Variants in ATAD3B observed in about 807,000 individuals in gnomAD.
ATAD3B encodes the protein ATPase family AAA domain-containing protein 3B.
Under a neutral mutation model 70.2 loss-of-function variants are expected in ATAD3B, and 59 were observed. The ratio of observed to expected loss-of-function variants is 0.84; its 90% CI spans 0.68 to 1.04. The LOEUF (loss-of-function observed/expected upper bound fraction) is 1.04. Among genes scored for constraint, ATAD3B ranks in the 50% least tolerant of loss-of-function variants. ATAD3B has a pLI of 0.00. For synonymous variants in ATAD3B, 423 were observed against 388.6 expected (o/e 1.09, Z -1.04); for missense variants, 961 against 913.4 (o/e 1.05, Z -0.67).
In ATAD3B at chr1:1,484,167, C is replaced by T. The variant is rs1184233601; in HGVS notation, c.751-849C>T. ...AGTTTTTGCGAAATGGAGTCGGGTTCGCTTTCTGGGTCTTTGATTTTTTTT... is the reference window on the plus strand; with the variant it reads ...AGTTTTTGCGAAATGGAGTCGGGTTTGCTTTCTGGGTCTTTGATTTTTTTT... On this transcript the variant is annotated intron_variant, in intron 7 of 15. Coordinates refer to ENST00000673477, the MANE Select transcript of ATAD3B (RefSeq NM_031921.6). 3 of 151,854 alleles carry T rather than the reference C, an allele frequency of 2.0e-5. 1 individual carries two copies. Among genetic ancestry groups the T allele is most frequent in the Non-Finnish European group, 4.4e-5 (3 of 67,948 alleles). 9.4% of individuals were successfully genotyped at this position (151,854 alleles called of 1,614,324 possible).
intron 12 of ATAD3B, 62 bp from the exon 13 acceptor site, chr1:1,489,142 C>G: frequency 1.9e-6 from 3 of 1,609,938 alleles, no homozygotes; most frequent in East Asian, 2.2e-5. Context: ...GTGGGACTTT[C>G]TGCTCTGGCT....
At chr1:1,498,581 A>G (rs188416502), downstream of ATAD3B, among the ~76,000 whole-genome samples, 410 of 151,738 alleles carry the variant, frequency 2.7e-3, 5 homozygotes, top group South Asian at 1.7e-3. Context: ...CTCCTCTCCT[A>G]TTTTTTGGTA....
chr1:1,489,710 C>T lies in ATAD3B; in HGVS notation c.1337+436C>T, dbSNP rs377439371. 4.7e-5 allele frequency: 62 copies of T among 1,312,216 alleles called. 2 individuals are homozygous for T. In the South Asian group the frequency reaches 5.3e-4, roughly 11 times the overall value. 81.3% of individuals were successfully genotyped at this position (1,312,216 alleles called of 1,614,324 possible). A position where few individuals can be genotyped will look rare whatever the true frequency, so the allele number is the denominator to read the frequency against. On this transcript the variant is annotated intron_variant, in intron 13 of 15. Transcript: ENST00000673477. Reference sequence around the variant, plus strand: ...CCTCCAGCCCCAGTCACGTGTCACACGGAGGATCAAGTCCTGCTGGTCGGC... The same window carrying T: ...CCTCCAGCCCCAGTCACGTGTCACATGGAGGATCAAGTCCTGCTGGTCGGC...
chr1:1,477,226 G>A (rs1406511870), intron 1 of ATAD3B, 48 bp from the exon 2 acceptor site: 2 of 1,604,598 alleles, frequency 1.2e-6, no homozygotes, highest in African/African-American at 1.3e-5. Flanking sequence ...GCCAGGCTTT[G>A]GTATCCGTGT....
At chr1:1,477,476 G>C (rs1199668470) in intron 2 of ATAD3B, 126 bp downstream of exon 2, 4 of 1,469,196 alleles carry the variant, frequency 2.7e-6, no homozygotes, top group African/African-American at 1.4e-5. Context: ...GGCCAGGGCC[G>C]AGCTTGGGCG....
Position 1,495,717 on chromosome 1 carries a change from G to C in ATAD3B, c.1847G>C (p.Cys616Ser). 2 of 1,613,340 alleles carry C rather than the reference G, an allele frequency of 1.2e-6. No individual in the cohort carries two copies. Among genetic ancestry groups the C allele is most frequent in the Non-Finnish European group, 8.5e-7 (1 of 1,179,610 alleles). The change falls in exon 16 of 16, where the codon TGC (cysteine) becomes TCC (serine). Residue 616 changes from cysteine to serine, a missense_variant. This residue lies in a region of ATAD3B where 417 missense variants were observed against 335.0 expected (regional missense o/e 1.24). Transcript: ENST00000673477. ...GCCGGCCCCTGCACATTTAGGATAT[G>C]CTCCTGGATGGGGACTGGGCTGTGC... ...CLAGPCTFRICSWMGTGLCPG... is the reference protein window; with the variant it reads ...CLAGPCTFRISSWMGTGLCPG...
chr1:1,473,546 A>C (rs1034093809), intron 1 of ATAD3B, among the ~76,000 whole-genome samples: 1 of 145,898 alleles, frequency 6.9e-6, no homozygotes, highest in Non-Finnish European at 1.5e-5. Context: ...GCCAGGCTGG[A>C]GTGCAATGGC....
chr1:1,481,907 GTGGGCCGGTCCACGGCA>G (rs1639923597), intron 5 of ATAD3B, among the ~76,000 whole-genome samples: 1 of 151,654 alleles, frequency 6.6e-6, no homozygotes, highest in South Asian at 2.1e-4. Context: ...TGTTGGTGGC[GTGGGCCGGTCCACGGCA>G]TGGGCCTGTC....
rs922481686 is a variant in ATAD3B at position 1,486,601 on chromosome 1, C to A, written c.1147C>A (p.Pro383Thr). 4.3e-6 allele frequency: 7 copies of A among 1,611,368 alleles called. No homozygotes were observed. In the Admixed American group the frequency reaches 1.2e-4, roughly 27 times the overall value. The change falls in exon 11 of 16, where the codon CCC (proline) becomes ACC (threonine). Residue 383 changes from proline to threonine, a missense_variant. Physicochemically the swap from Pro to Thr is conservative, Grantham distance 38. This residue lies in a region of ATAD3B where 349 missense variants were observed against 307.5 expected (regional missense o/e 1.14). Transcript: ENST00000673477. ...YAIMTGGDVA[P>T]MGREGVTAMH... The stretch of plus-strand genomic sequence containing the variant: ...CATCATGACAGGCGGGGACGTGGCC[C>A]CCATGGGGCGGGAAGGCGTGACCGC...
chr1:1,498,350 T>C (rs1640853240), downstream of ATAD3B, among the ~76,000 whole-genome samples: 1 of 151,696 alleles, frequency 6.6e-6, no homozygotes, highest in East Asian at 1.9e-4. Flanking sequence ...GTGCCTGTGG[T>C]CCCAGCTTGT....
rs192052756 is a variant in ATAD3B, at chr1:1,493,548, G to A, written c.1615-1937G>A. ...GCCAGGCTGGTCTCGAACTCCTGACGTCAGGTGACCTGCCCACCTCAGCCT... is the reference window on the plus strand; with the variant it reads ...GCCAGGCTGGTCTCGAACTCCTGACATCAGGTGACCTGCCCACCTCAGCCT... On this transcript the variant is annotated intron_variant, in intron 15 of 15. Coordinates refer to ENST00000673477, the MANE Select transcript of ATAD3B (RefSeq NM_031921.6). Among the ~76,000 whole-genome samples, 176 of 151,826 alleles carry A rather than the reference G, an allele frequency of 1.2e-3. 2 individuals are homozygous for A. The highest frequency in any genetic ancestry group is 4.0e-3 in the African/African-American group (164 of 41,458).
At chr1:1,472,984 G>A (rs899203496) in intron 1 of ATAD3B, among the ~76,000 whole-genome samples, 2 of 151,222 alleles carry the variant, frequency 1.3e-5, no homozygotes, top group African/African-American at 4.9e-5. Flanking sequence ...CACCACGCCC[G>A]GCTAATTTTT....
chr1:1,480,353 G>A (rs373687996), intron 4 of ATAD3B, among the ~76,000 whole-genome samples: 15 of 146,496 alleles, frequency 1.0e-4, no homozygotes, highest in South Asian at 6.6e-4. Flanking sequence ...CCACCCGGGC[G>A]CCCAGCTGGC....
chr1:1,490,615 C>A lies in ATAD3B; in HGVS notation c.1558C>A (p.Arg520=). 1 of 1,608,054 alleles carries A rather than the reference C, an allele frequency of 6.2e-7. No homozygotes were observed. Among genetic ancestry groups the A allele is most frequent in the South Asian group, 1.1e-5 (1 of 90,168 alleles). The change falls in exon 15 of 16, where the codon CGG becomes AGG. Residue 520 remains arginine, a synonymous_variant. Transcript: ENST00000673477. ...CGGGAGGAAGTGCTCGGAGGTCGCT[C>A]GGCTGACGGAGGGCATGTCGGGCCG... ...DYGRKCSEVA[R]LTEGMSGREI... is the part of the protein sequence containing the mutation.
At chr1:1,499,034 C>T (rs1160319013), downstream of ATAD3B, among the ~76,000 whole-genome samples, 2 of 150,530 alleles carry the variant, frequency 1.3e-5, no homozygotes, top group African/African-American at 2.5e-5. Flanking sequence ...TGCAGTGGCG[C>T]GATCTCAGCT....
At chr1:1,491,642 G>T (rs901598890) in intron 15 of ATAD3B, among the ~76,000 whole-genome samples, 1 of 152,078 alleles carries the variant, frequency 6.6e-6, no homozygotes, top group Non-Finnish European at 1.5e-5. Context: ...GGTCCGCAGA[G>T]TCTGTGTGAC....
chr1:1,501,221 A>T (rs1261213988), downstream of ATAD3B, among the ~76,000 whole-genome samples: 4 of 150,118 alleles, frequency 2.7e-5, no homozygotes, highest in African/African-American at 9.9e-5. Context: ...CCTGAGTAGT[A>T]ATTACAGATA....
chr1:1,504,391 T>C, the ATAD3B span, among the ~76,000 whole-genome samples: 5 of 152,140 alleles, frequency 3.3e-5, no homozygotes, highest in African/African-American at 9.6e-5. Context: ...GGCTCACACC[T>C]GTAATCTCAG....
chr1:1,485,642 A>G (rs112314200), intron 8 of ATAD3B, 140 bp from the exon 9 acceptor site: 60,339 of 1,362,142 alleles, frequency 0.044, 2,162 homozygotes, highest in Non-Finnish European at 0.051. Context: ...CCGGCGGGGC[A>G]GGGTTCCAGC....
Sources: gnomAD v4.1 joint callset for allele counts (sites outside exome capture counted in the v4.1 genomes callset) on GRCh38, gnomAD v4.1.1 for gene constraint, gnomAD v4.1.1 regional missense constraint, MANE v1.5 for transcripts, NCBI Gene and HGNC (gene_info 2026-07-23, HGNC 2026-07-21) for gene names.